Variants in FOXP2 observed in about 807,000 individuals in gnomAD.
FOXP2 encodes the protein forkhead box P2.
A neutral mutation model predicts 115.8 loss-of-function variants in FOXP2; 12 were observed. The observed-to-expected ratio is 0.10, with a 90% CI of 0.07 to 0.17. FOXP2 has a LOEUF of 0.17. FOXP2 is among the 10% of genes least tolerant of loss of function. FOXP2 has a pLI of 1.00. For missense variants in FOXP2, 629 were observed against 843.5 expected (o/e 0.75, Z 3.15); for synonymous variants, 328 against 297.7 (o/e 1.10, Z -1.05).
At chr7:114,303,434 C>A (rs892079586) in intron 2 of FOXP2, among the ~76,000 whole-genome samples, 18 of 152,146 alleles carry the variant, frequency 1.2e-4, no homozygotes, top group Non-Finnish European at 5.9e-5. Flanking sequence ...ATTTGAAAGT[C>A]ATTGAGTGAT....
chr7:114,532,661 A>G (rs954269179), intron 2 of FOXP2, among the ~76,000 whole-genome samples: 2 of 151,912 alleles, frequency 1.3e-5, no homozygotes, highest in Non-Finnish European at 2.9e-5. Context: ...CTAAGATCCT[A>G]AACAGTGTTC....
intron 3 of FOXP2, chr7:114,570,820 A>G: frequency 6.2e-7 from 1 of 1,611,874 alleles, no homozygotes; most frequent in Non-Finnish European, 8.5e-7. Context: ...TTGCTTCCAG[A>G]AACAAAATTA....
chr7:114,221,756 T>C (rs1218959014), intron 1 of FOXP2, among the ~76,000 whole-genome samples: 1 of 152,228 alleles, frequency 6.6e-6, no homozygotes, highest in Middle Eastern at 3.2e-3. Context: ...TAATGAAGAC[T>C]TTTAAACTGA....
At chr7:114,408,701 G>A (rs368057183) in intron 2 of FOXP2, among the ~76,000 whole-genome samples, 14 of 151,744 alleles carry the variant, frequency 9.2e-5, no homozygotes, top group African/African-American at 1.2e-4. Flanking sequence ...CACTCCAATC[G>A]GGGAGACAGA....
At chr7:114,283,204 C>T in intron 1 of FOXP2, among the ~76,000 whole-genome samples, 1 of 152,162 alleles carries the variant, frequency 6.6e-6, no homozygotes, top group East Asian at 1.9e-4. Flanking sequence ...GTTAACTACC[C>T]TGTTTTGAGA....
In FOXP2 at chr7:114,681,349, G is replaced by A. The variant is rs541493704; in HGVS notation, c.2004-8433G>A. On this transcript the variant is annotated intron_variant, in intron 16 of 16. Transcript: ENST00000350908. ...GGAGGAAAATTTTACTTTCTAACAG[G>A]CTTATATATATTGCTACATCTCTTA... Among the ~76,000 whole-genome samples, 33 of 152,184 alleles carry A rather than the reference G, an allele frequency of 2.2e-4. No individual in the cohort carries two copies. The South Asian group carries it at 6.6e-3, about 31-fold the overall frequency.
At chr7:114,462,410 C>T in intron 2 of FOXP2, among the ~76,000 whole-genome samples, 1 of 127,164 alleles carries the variant, frequency 7.9e-6, no homozygotes, top group South Asian at 2.8e-4. Context: ...CTTGCTCAGT[C>T]GCCCAGGCTG....
At chr7:114,361,308 A>C (rs950797327) in intron 2 of FOXP2, among the ~76,000 whole-genome samples, 15 of 152,088 alleles carry the variant, frequency 9.9e-5, no homozygotes, top group African/African-American at 3.4e-4. Flanking sequence ...AAAAACATGC[A>C]GGGGAATGCC....
intron 6 of FOXP2, among the ~76,000 whole-genome samples, chr7:114,641,361 A>G (rs1024496603): frequency 4.6e-5 from 7 of 152,144 alleles, no homozygotes; most frequent in African/African-American, 1.4e-4. Context: ...TTCTATTTTT[A>G]TTGTTGTATA....
intron 2 of FOXP2, among the ~76,000 whole-genome samples, chr7:114,432,836 T>C (rs947250524): frequency 1.3e-5 from 2 of 151,920 alleles, no homozygotes; most frequent in African/African-American, 4.8e-5. Flanking sequence ...TGACTGACAG[T>C]GTAGTTGATG....
rs533684648 is a variant in FOXP2 at position 114,104,923 on chromosome 7, G to T, written c.-247+17085G>T. Among the ~76,000 whole-genome samples, 16 of 152,032 alleles carry T rather than the reference G, an allele frequency of 1.1e-4. 1 individual carries two copies. The highest frequency in any genetic ancestry group is 4.1e-4 in the South Asian group (2 of 4,820). On this transcript the variant is annotated intron_variant, in intron 1 of 19. Transcript: ENST00000635638. ...TTTAAAAATGTGAAAAATTAACTGT[G>T]GTAATTTTGCGATTCATAGTAATAA... is the stretch of plus-strand genomic sequence containing the variant.
intron 2 of FOXP2, among the ~76,000 whole-genome samples, chr7:114,475,827 C>G (rs1796231722): frequency 6.6e-6 from 1 of 151,480 alleles, no homozygotes; most frequent in Non-Finnish European, 1.5e-5. Context: ...ATATCTATAT[C>G]TATCTAAATA....
intron 3 of FOXP2, among the ~76,000 whole-genome samples, chr7:114,623,483 T>C (rs1804361592): frequency 6.6e-6 from 1 of 151,950 alleles, no homozygotes; most frequent in South Asian, 2.1e-4. Context: ...CAAAGATGTA[T>C]GTAAAATAAT....
chr7:114,177,842 C>T (rs1315106269), intron 1 of FOXP2, among the ~76,000 whole-genome samples: 1 of 151,878 alleles, frequency 6.6e-6, no homozygotes, highest in African/African-American at 2.4e-5. Flanking sequence ...TAGCAATTTT[C>T]ATGTATACAA....
intron 1 of FOXP2, among the ~76,000 whole-genome samples, chr7:114,139,120 G>A (rs1435770867): frequency 6.6e-6 from 1 of 152,098 alleles, no homozygotes; most frequent in Non-Finnish European, 1.5e-5. Flanking sequence ...ACACTATGCA[G>A]AGCATACTAT....
chr7:114,642,971 G>A (rs936700389), intron 7 of FOXP2, among the ~76,000 whole-genome samples: 30 of 150,862 alleles, frequency 2.0e-4, no homozygotes, highest in Middle Eastern at 3.4e-3. Context: ...CCCACGCCTG[G>A]CTAATTTTTT....
intron 3 of FOXP2, among the ~76,000 whole-genome samples, chr7:114,627,673 A>G (rs1185797180): frequency 6.6e-6 from 1 of 151,648 alleles, no homozygotes; most frequent in Non-Finnish European, 1.5e-5. Context: ...CTCCTTCCCT[A>G]TCTTCTTTTT....
At chr7:114,563,973 C>G (rs1800877940) in intron 3 of FOXP2, among the ~76,000 whole-genome samples, 1 of 152,102 alleles carries the variant, frequency 6.6e-6, no homozygotes, top group South Asian at 2.1e-4. Context: ...TTGGCACTTA[C>G]CAGAAGTAAC....
chr7:114,141,916 T>C (rs1792222098), intron 1 of FOXP2, among the ~76,000 whole-genome samples: 1 of 152,326 alleles, frequency 6.6e-6, no homozygotes, highest in Admixed American at 6.5e-5. Context: ...TAATCTCAAT[T>C]GATGGTTCAT....
Sources: gnomAD v4.1 joint callset for allele counts (sites outside exome capture counted in the v4.1 genomes callset) on GRCh38, gnomAD v4.1.1 for gene constraint, MANE v1.5 for transcripts, NCBI Gene and HGNC (gene_info 2026-07-23, HGNC 2026-07-21) for gene names.